STUM: variants seen among roughly 807,000 people sequenced by gnomAD.
The protein encoded by STUM is protein stum homolog.
Under a neutral mutation model 15.3 loss-of-function variants are expected in STUM, and 8 were observed. The observed-to-expected ratio is 0.52, with a 90% confidence interval of 0.31 to 0.94. The LOEUF (loss-of-function observed/expected upper bound fraction) is 0.94, where lower values mean the gene tolerates loss of function less well. STUM is among the 40% of genes least tolerant of loss of function. The pLI, the probability that STUM is intolerant of heterozygous loss-of-function variation, is 0.05. For missense variants in STUM, 142 were observed against 204.9 expected, an observed-to-expected ratio of 0.69 and a Z score of 1.87; for synonymous variants, 78 against 88.7, an observed-to-expected ratio of 0.88 and a Z score of 0.68.
At chr1:226,561,280 A>C (rs1244298212) in intron 1 of STUM, among the ~76,000 whole-genome samples, 1 of 152,154 alleles carries the variant, frequency 6.6e-6, no homozygotes, top group Non-Finnish European at 1.5e-5. Flanking sequence ...TGTTTGCTGA[A>C]GTGAAGGTAT....
chr1:226,600,331 G>T lies in STUM; in HGVS notation c.383-335G>T, dbSNP rs1450030961. Among the ~76,000 whole-genome samples, 1 of 152,210 alleles carries T rather than the reference G, an allele frequency of 6.6e-6. No individual in the cohort carries two copies. Among genetic ancestry groups the T allele is most frequent in the Non-Finnish European group, 1.5e-5 (1 of 68,040 alleles). On this transcript the variant is annotated intron_variant, in intron 2 of 3. Transcript: ENST00000366788. This position sits in a 1 kb window ranked among gnomAD's most constrained non-coding sequence, Gnocchi z 5.2. The stretch of plus-strand genomic sequence containing the variant: ...ACAAGAATAAAGAATGAAGGCAGCA[G>T]TGTGGGCATGGCCAGGATATGGAGG...
chr1:226,603,864 G>C lies in STUM; in HGVS notation c.*1824G>C, dbSNP rs1318587512. 1 of 152,376 alleles carries C rather than the reference G, an allele frequency of 6.6e-6. No homozygotes were observed. The highest frequency in any genetic ancestry group is 1.9e-4 in the East Asian group (1 of 5,204). The allele number at this position is 152,376 out of a possible 1,614,324, so 9.4% of individuals were successfully genotyped here. On this transcript the variant is annotated 3_prime_UTR_variant, in exon 4 of 4. Coordinates refer to ENST00000366788, the MANE Select transcript of STUM (RefSeq NM_001003665.4). The stretch of plus-strand genomic sequence containing the variant: ...CCAGGCCTTTGCCTTCTTCTCTCCT[G>C]TTTGGAAGCCTCTGTATCTTCAAGG...
rs16846124 is a variant in STUM at position 226,567,891 on chromosome 1, A to G, written c.202+18785A>G. Among the ~76,000 whole-genome samples the G allele has an allele frequency of 0.011, 1,639 of 152,328 alleles. 30 individuals carry two copies. Among genetic ancestry groups the G allele is most frequent in the Admixed American group, 0.044 (675 of 15,298 alleles). ...AGAAAGCTATTGTGTTGACATTATT[A>G]TTTATGTATTGTCAGAAATGCGAAC... On this transcript the variant is annotated intron_variant, in intron 1 of 3. Coordinates refer to ENST00000366788, the MANE Select transcript of STUM (RefSeq NM_001003665.4). This position sits in a 1 kb window ranked among gnomAD's most constrained non-coding sequence, Gnocchi z 4.5.
At chr1:226,571,859 C>T (rs1667717047) in intron 1 of STUM, among the ~76,000 whole-genome samples, 1 of 152,112 alleles carries the variant, frequency 6.6e-6, no homozygotes, top group Admixed American at 6.5e-5. Flanking sequence ...AGTCTGGTCT[C>T]GAACTCCTGA....
chr1:226,578,205 A>G (rs1422907516), intron 1 of STUM, among the ~76,000 whole-genome samples: 1 of 152,052 alleles, frequency 6.6e-6, no homozygotes, highest in East Asian at 1.9e-4. Context: ...ATGGTCATGT[A>G]GTCTCTTTTC....
intron 1 of STUM, among the ~76,000 whole-genome samples, chr1:226,551,633 A>G (rs1181770989): frequency 2.6e-5 from 4 of 152,314 alleles, no homozygotes; most frequent in African/African-American, 9.6e-5. Flanking sequence ...TCTTTGATGA[A>G]ATGCAGCTTC....
intron 1 of STUM, among the ~76,000 whole-genome samples, chr1:226,562,394 A>G (rs1294945373): frequency 1.3e-5 from 2 of 151,890 alleles, no homozygotes; most frequent in African/African-American, 2.4e-5. Flanking sequence ...ACTTGAACCC[A>G]GGAGGCATAG....
chr1:226,559,961 A>G (rs10916008), intron 1 of STUM, among the ~76,000 whole-genome samples: 106,683 of 145,920 alleles, frequency 0.73, 39,112 homozygotes, highest in East Asian at 0.81. Flanking sequence ...GCAACAGAGC[A>G]AGACTCCGTC....
intron 1 of STUM, among the ~76,000 whole-genome samples, chr1:226,577,298 C>T (rs1401115249): frequency 6.6e-6 from 1 of 152,008 alleles, no homozygotes; most frequent in Admixed American, 6.6e-5. Context: ...CTCATTGTGT[C>T]GGGTGACATG....
chr1:226,569,306 T>G (rs1377996281), intron 1 of STUM, among the ~76,000 whole-genome samples: 1 of 152,194 alleles, frequency 6.6e-6, no homozygotes, highest in Non-Finnish European at 1.5e-5. Context: ...ATTATTATCC[T>G]TAGAATTTGT....
At chr1:226,568,185 C>T (rs559444217) in intron 1 of STUM, among the ~76,000 whole-genome samples, 24 of 152,356 alleles carry the variant, frequency 1.6e-4, no homozygotes, top group Non-Finnish European at 2.1e-4. Context: ...GCTCTGGCAA[C>T]GGCCGGCAGC....
intron 1 of STUM, among the ~76,000 whole-genome samples, chr1:226,559,748 A>C (rs939004819): frequency 6.6e-6 from 1 of 152,190 alleles, no homozygotes; most frequent in East Asian, 1.9e-4. Context: ...CCAAGGTGGG[A>C]GGATCACGAG....
rs369957216 is a variant in STUM, at chr1:226,599,942, G to A, written c.383-724G>A. On this transcript the variant is annotated intron_variant, in intron 2 of 3. Coordinates refer to ENST00000366788, the MANE Select transcript of STUM (RefSeq NM_001003665.4). The stretch of plus-strand genomic sequence containing the variant: ...ATCTGTTTGCCACCCTCTGGCCTGG[G>A]TCTTCCCCAAAGTATTTTTATATAT... Among the ~76,000 whole-genome samples, 5 of 152,344 alleles carry A rather than the reference G, an allele frequency of 3.3e-5. No individual in the cohort carries two copies. In the East Asian group the frequency reaches 7.7e-4, roughly 24 times the overall value.
intron 1 of STUM, among the ~76,000 whole-genome samples, chr1:226,556,084 C>G (rs1046885550): frequency 3.3e-5 from 5 of 152,090 alleles, no homozygotes; most frequent in African/African-American, 1.2e-4. Flanking sequence ...TGGACCTGTC[C>G]CATTTCAAGG....
At chr1:226,583,054 C>T (rs187271025) in intron 1 of STUM, among the ~76,000 whole-genome samples, 1 of 152,346 alleles carries the variant, frequency 6.6e-6, no homozygotes, top group African/African-American at 2.4e-5. Flanking sequence ...GTCTCATCCT[C>T]CAACAGGCTA....
At chr1:226,598,818 C>T (rs1327420241) in intron 2 of STUM, among the ~76,000 whole-genome samples, 1 of 152,210 alleles carries the variant, frequency 6.6e-6, no homozygotes, top group Non-Finnish European at 1.5e-5. Flanking sequence ...TCCAGGGATG[C>T]TGTCTTTGCA....
At chr1:226,554,826 C>T (rs896420623) in intron 1 of STUM, among the ~76,000 whole-genome samples, 3 of 152,158 alleles carry the variant, frequency 2.0e-5, no homozygotes, top group African/African-American at 4.8e-5. Flanking sequence ...TCCCTTTCAC[C>T]GCAAAATTCC....
chr1:226,551,239 A>T (rs958487559), intron 1 of STUM, among the ~76,000 whole-genome samples: 1 of 152,158 alleles, frequency 6.6e-6, no homozygotes, highest in African/African-American at 2.4e-5. Context: ...ATGAAACGTG[A>T]TTACATAAAG....
intron 1 of STUM, among the ~76,000 whole-genome samples, chr1:226,577,819 T>C (rs904309816): frequency 6.6e-6 from 1 of 151,936 alleles, no homozygotes; most frequent in African/African-American, 2.4e-5. Context: ...GGGGGGATGG[T>C]TGTTCTATGG....
Sources: gnomAD v4.1 joint callset for allele counts (sites outside exome capture counted in the v4.1 genomes callset) on GRCh38, gnomAD v4.1.1 for gene constraint, Gnocchi (gnomAD v3.1) non-coding constraint, MANE v1.5 for transcripts, NCBI Gene and HGNC (gene_info 2026-07-23, HGNC 2026-07-21) for gene names.